The following CRTAC1 variants were observed in gnomAD, a reference collection of about 807,000 sequenced individuals.
The protein encoded by CRTAC1 is cartilage acidic protein 1.
A neutral mutation model predicts 67.8 loss-of-function variants in CRTAC1; 37 were observed. That is an observed-to-expected ratio of 0.55 (90% confidence interval 0.42 to 0.72). The LOEUF (loss-of-function observed/expected upper bound fraction) is 0.72, where lower values mean the gene tolerates loss of function less well. CRTAC1 is among the 30% of genes least tolerant of loss of function. The probability of loss-of-function intolerance (pLI) is 0.00; values close to 1 mark genes in which losing one functional copy is unlikely to be tolerated. For synonymous variants in CRTAC1, 348 were observed against 371.0 expected, an observed-to-expected ratio of 0.94 and a Z score of 0.71; for missense variants, 780 against 931.6, an observed-to-expected ratio of 0.84 and a Z score of 2.12.
At chr10:97,982,559 C>T (rs1477625384) in intron 2 of CRTAC1, among the ~76,000 whole-genome samples, 1 of 152,176 alleles carries the variant, frequency 6.6e-6, no homozygotes, top group East Asian at 1.9e-4. Flanking sequence ...TACCAAAACA[C>T]ATCAGAAAAT....
At chr10:97,954,822 T>C (rs2051416146) in intron 2 of CRTAC1, among the ~76,000 whole-genome samples, 1 of 152,200 alleles carries the variant, frequency 6.6e-6, no homozygotes, top group Non-Finnish European at 1.5e-5. Flanking sequence ...AGACGTTCCC[T>C]GCCTTTTCTA....
intron 2 of CRTAC1, among the ~76,000 whole-genome samples, chr10:97,987,507 C>T (rs2052000653): frequency 6.6e-6 from 1 of 152,134 alleles, no homozygotes; most frequent in Admixed American, 6.5e-5. Flanking sequence ...GATGATTTAA[C>T]CAGGGGATTC....
rs776735126 is a variant in CRTAC1 at position 97,901,630 on chromosome 10, A to C, written c.1006T>G (p.Ser336Ala). Residue 336 changes from serine (S) to alanine (A), a missense_variant, in exon 8 of 15, where the codon TCA (serine) becomes GCA (alanine). Ser to Ala is a moderately conservative substitution (Grantham distance 99, BLOSUM62 1). Coordinates refer to ENST00000370597, the MANE Select transcript of CRTAC1 (RefSeq NM_018058.7). ...HGKVRFRDIASPKFSMPSPVR... is the reference protein window; with the variant it reads ...HGKVRFRDIAAPKFSMPSPVR... ...GGGGAGGGCATGGAGAACTTGGGTG[A>C]GGCGATGTCCTGGAGGAAACAAGGC... 21 of 1,614,112 alleles carry C rather than the reference A, an allele frequency of 1.3e-5. No individual in the cohort carries two copies. Among genetic ancestry groups the C allele is most frequent in the Non-Finnish European group, 1.8e-5 (21 of 1,179,990 alleles).
intron 2 of CRTAC1, among the ~76,000 whole-genome samples, chr10:97,964,984 C>T (rs2051591856): frequency 6.6e-6 from 1 of 152,198 alleles, no homozygotes; most frequent in South Asian, 2.1e-4. Flanking sequence ...ATCACACTTG[C>T]CACTGGGCTG....
In CRTAC1 at chr10:97,895,441, C is replaced by T. The variant is rs202121886; in HGVS notation, c.1318-28G>A. The T allele has an allele frequency of 2.2e-4, 337 of 1,558,292 alleles. No individual in the cohort carries two copies. Among genetic ancestry groups the T allele is most frequent in the Middle Eastern group, 1.6e-3 (9 of 5,748 alleles). On this transcript the variant is annotated intron_variant, in intron 10 of 14. Transcript: ENST00000370597. The surrounding 1 kb of genome is among the most constrained non-coding windows in gnomAD (Gnocchi z 4.2). ...GCAGAGAGGGTGAGAGGCAGACACC[C>T]GGTGGGCATCAGCATGGTGGGTGGG...
chr10:97,899,914 G>A (rs2050510092), intron 8 of CRTAC1, among the ~76,000 whole-genome samples: 1 of 152,144 alleles, frequency 6.6e-6, no homozygotes, highest in African/African-American at 2.4e-5. Flanking sequence ...GCCTGTCCAG[G>A]ACTCCACCTA....
chr10:97,894,769 A>G (rs1294990270), intron 11 of CRTAC1, among the ~76,000 whole-genome samples: 1 of 72,808 alleles, frequency 1.4e-5, no homozygotes, highest in Non-Finnish European at 2.9e-5. Flanking sequence ...TATATATGAT[A>G]GGATTTTGTC....
intron 2 of CRTAC1, among the ~76,000 whole-genome samples, chr10:97,993,754 T>C (rs1842503489): frequency 6.6e-6 from 1 of 152,230 alleles, no homozygotes. Flanking sequence ...GCACTGTAGG[T>C]GCACGGATGA....
chr10:97,982,361 C>T (rs186269633), intron 2 of CRTAC1, among the ~76,000 whole-genome samples: 223 of 152,280 alleles, frequency 1.5e-3, no homozygotes, highest in Middle Eastern at 0.014. Context: ...TCTTTTTCTG[C>T]GGAAAGTTAT....
chr10:97,887,946 G>A (rs749484272), intron 11 of CRTAC1, among the ~76,000 whole-genome samples: 34 of 152,378 alleles, frequency 2.2e-4, no homozygotes, highest in South Asian at 6.2e-4. Flanking sequence ...TGATGCTAAC[G>A]CATCGAAACT....
chr10:98,011,281 C>A lies in CRTAC1; in HGVS notation c.81G>T (p.Gly27=), dbSNP rs777119816. 1 of 1,614,158 alleles carries A rather than the reference C, an allele frequency of 6.2e-7. No homozygotes were observed. Among genetic ancestry groups the A allele is most frequent in the Non-Finnish European group, 8.5e-7 (1 of 1,180,032 alleles). ...TGAACATGGGTTCAGCCCGCTGGGA[C>A]CCCTCAGTGATGGGCAGAAACCAGA... ...LLLWFLPITE[G]SQRAEPMFTA... Residue 27 remains glycine, a synonymous_variant, in exon 2 of 15, where the codon GGG becomes GGT. Coordinates refer to ENST00000370597, the MANE Select transcript of CRTAC1 (RefSeq NM_018058.7).
intron 1 of CRTAC1, among the ~76,000 whole-genome samples, chr10:98,019,333 C>T (rs1843070740): frequency 6.6e-6 from 1 of 152,190 alleles, no homozygotes; most frequent in African/African-American, 2.4e-5. Flanking sequence ...AAAGGCCCTT[C>T]CATCAGACTA....
chr10:97,944,100 C>A (rs2051221599), intron 2 of CRTAC1, among the ~76,000 whole-genome samples: 1 of 152,054 alleles, frequency 6.6e-6, no homozygotes, highest in Non-Finnish European at 1.5e-5. Context: ...GACTGTAAGG[C>A]AAGATAACCT....
Position 97,865,466 on chromosome 10 carries a change from C to T in CRTAC1, c.*82G>A. Reference sequence around the variant, plus strand: ...GGGTCTAGCTCCCAGGCCTTTACATCCCTACTGTCTAGGCAGCAGCACAAG... The same window carrying T: ...GGGTCTAGCTCCCAGGCCTTTACATTCCTACTGTCTAGGCAGCAGCACAAG... On this transcript the variant is annotated 3_prime_UTR_variant, in exon 15 of 15. Transcript: ENST00000370597. 22 of 1,506,576 alleles carry T rather than the reference C, an allele frequency of 1.5e-5. No homozygotes were observed. The highest frequency in any genetic ancestry group is 2.0e-5 in the Non-Finnish European group (22 of 1,115,058). The allele number at this position is 1,506,576 out of a possible 1,614,324, so 93.3% of individuals were successfully genotyped here.
rs1294119007 is a variant in CRTAC1 at position 98,029,381 on chromosome 10, C to A, written c.24+1068G>T. 6.6e-6 allele frequency among the ~76,000 whole-genome samples: 1 copy of A among 152,146 alleles called. No homozygotes were observed. Among genetic ancestry groups the A allele is most frequent in the Non-Finnish European group, 1.5e-5 (1 of 68,026 alleles). On this transcript the variant is annotated intron_variant, in intron 1 of 14. Coordinates refer to ENST00000370597, the MANE Select transcript of CRTAC1 (RefSeq NM_018058.7). This position sits in a 1 kb window ranked among gnomAD's most constrained non-coding sequence, Gnocchi z 4.7. ...TGGCTTCACGTGGAAAGTCCTGCACCCATCCCAGAAGACACCTCAAGTGCA... is the reference window on the plus strand; with the variant it reads ...TGGCTTCACGTGGAAAGTCCTGCACACATCCCAGAAGACACCTCAAGTGCA...
At chr10:97,965,586 T>C (rs1483947726) in intron 2 of CRTAC1, among the ~76,000 whole-genome samples, 1 of 152,248 alleles carries the variant, frequency 6.6e-6, no homozygotes, top group African/African-American at 2.4e-5. Flanking sequence ...GGAAAGTTAT[T>C]CTCTATACTG....
chr10:98,001,768 T>G (rs1443757902), intron 2 of CRTAC1, among the ~76,000 whole-genome samples: 1 of 152,218 alleles, frequency 6.6e-6, no homozygotes, highest in Non-Finnish European at 1.5e-5. Context: ...CATCCATTTG[T>G]GTTCTAGACA....
chr10:97,897,843 T>C (rs599918), intron 8 of CRTAC1, among the ~76,000 whole-genome samples: 11,829 of 152,190 alleles, frequency 0.078, 565 homozygotes, highest in African/African-American at 0.12. Flanking sequence ...GAAGGTAGGG[T>C]GTAAGGAAGA....
intron 1 of CRTAC1, among the ~76,000 whole-genome samples, chr10:98,018,199 CAAAAAAAA>C (rs71007373): frequency 6.8e-4 from 33 of 48,636 alleles, no homozygotes; most frequent in African/African-American, 2.6e-3. Context: ...AAGATGCCCG[CAAAAAAAA>C]AAAAAAAAAA....
Sources: gnomAD v4.1 joint callset for allele counts (sites outside exome capture counted in the v4.1 genomes callset) on GRCh38, gnomAD v4.1.1 for gene constraint, Gnocchi (gnomAD v3.1) non-coding constraint, MANE v1.5 for transcripts, NCBI Gene and HGNC (gene_info 2026-07-23, HGNC 2026-07-21) for gene names.